Variants in SND1 observed in about 807,000 individuals in gnomAD.
SND1 encodes the protein staphylococcal nuclease domain-containing protein 1.
A neutral mutation model predicts 121.7 loss-of-function variants in SND1; 38 were observed. The observed-to-expected ratio is 0.31, with a 90% confidence interval of 0.24 to 0.41. The LOEUF (loss-of-function observed/expected upper bound fraction) is 0.41. Among genes scored for constraint, SND1 ranks in the 10% least tolerant of loss-of-function variants. SND1 has a pLI of 1.00. For synonymous variants in SND1, 401 were observed against 447.4 expected, an observed-to-expected ratio of 0.90 and a Z score of 1.31; for missense variants, 868 against 1,184.6, an observed-to-expected ratio of 0.73 and a Z score of 3.92.
chr7:128,066,452 G>A (rs904664246), intron 16 of SND1, among the ~76,000 whole-genome samples: 1 of 152,226 alleles, frequency 6.6e-6, no homozygotes, highest in African/African-American at 2.4e-5. Flanking sequence ...GGGGGATTAG[G>A]AGCAGAGGCG....
chr7:127,912,006 A>T (rs942881348), intron 14 of SND1, among the ~76,000 whole-genome samples: 2 of 150,926 alleles, frequency 1.3e-5, no homozygotes, highest in Non-Finnish European at 3.0e-5. Flanking sequence ...TTAAGATGAG[A>T]TCTTACTATG....
At chr7:127,740,423 G>A (rs1267280513) in intron 10 of SND1, among the ~76,000 whole-genome samples, 1 of 152,134 alleles carries the variant, frequency 6.6e-6, no homozygotes, top group Admixed American at 6.5e-5. Context: ...ACTCATCAGT[G>A]TCTCAACTCC....
chr7:127,811,518 G>A (rs532865580), intron 11 of SND1, among the ~76,000 whole-genome samples: 1 of 152,160 alleles, frequency 6.6e-6, no homozygotes, highest in African/African-American at 2.4e-5. Context: ...ACCCACTTCT[G>A]CTGGATATGT....
chr7:127,820,616 T>A (rs1427932417), intron 11 of SND1, among the ~76,000 whole-genome samples: 1 of 152,196 alleles, frequency 6.6e-6, no homozygotes, highest in Non-Finnish European at 1.5e-5. Flanking sequence ...GATAGTCTTT[T>A]TTACGTCACA....
chr7:127,825,336 C>T (rs1412902156), intron 11 of SND1, among the ~76,000 whole-genome samples: 1 of 151,978 alleles, frequency 6.6e-6, no homozygotes, highest in African/African-American at 2.4e-5. Context: ...GTCTCAATCT[C>T]CTGACCACAT....
At chr7:127,688,896 A>G (rs2116312193) in intron 2 of SND1, among the ~76,000 whole-genome samples, 1 of 152,336 alleles carries the variant, frequency 6.6e-6, no homozygotes, top group Admixed American at 6.5e-5. Context: ...ATATTTAAGT[A>G]AAGCATTTAG....
chr7:128,056,713 A>T (rs369307127), intron 16 of SND1, among the ~76,000 whole-genome samples: 1 of 152,218 alleles, frequency 6.6e-6, no homozygotes, highest in Non-Finnish European at 1.5e-5. Context: ...TCCACAGGGA[A>T]TACATTCCAG....
chr7:127,872,696 T>C (rs568340854), intron 12 of SND1, among the ~76,000 whole-genome samples: 1 of 151,770 alleles, frequency 6.6e-6, no homozygotes, highest in Non-Finnish European at 1.5e-5. Flanking sequence ...GAATCTTTTT[T>C]AGAATGTTGG....
intron 12 of SND1, among the ~76,000 whole-genome samples, chr7:127,879,298 A>C (rs1799748046): frequency 6.6e-6 from 1 of 152,134 alleles, no homozygotes; most frequent in South Asian, 2.1e-4. Flanking sequence ...TGGATGTTAG[A>C]CATCTTAGTC....
intron 13 of SND1, 127 bp downstream of exon 13, chr7:127,888,139 C>A: frequency 1.8e-6 from 1 of 571,276 alleles, no homozygotes; most frequent in Non-Finnish European, 3.1e-6. Flanking sequence ...TATTATTATT[C>A]TAGATTTTCC....
At chr7:127,812,803 G>A (rs1032488638) in intron 11 of SND1, among the ~76,000 whole-genome samples, 3 of 152,196 alleles carry the variant, frequency 2.0e-5, no homozygotes, top group African/African-American at 4.8e-5. Context: ...AAAAACACTT[G>A]TGTTCTGTCT....
chr7:127,978,988 C>T (rs1445422906), intron 15 of SND1, among the ~76,000 whole-genome samples: 1 of 152,054 alleles, frequency 6.6e-6, no homozygotes, highest in African/African-American at 2.4e-5. Flanking sequence ...CACCTGGCCG[C>T]CTGTATTTTT....
chr7:127,762,890 A>G (rs1332737931), intron 10 of SND1, among the ~76,000 whole-genome samples: 2 of 152,248 alleles, frequency 1.3e-5, no homozygotes, highest in Admixed American at 6.5e-5. Context: ...GTTTGGGACC[A>G]TGCAGTCAAG....
intron 13 of SND1, among the ~76,000 whole-genome samples, chr7:127,892,161 A>G (rs555034690): frequency 6.6e-6 from 1 of 152,238 alleles, no homozygotes; most frequent in East Asian, 1.9e-4. Context: ...AGGGCAGCCC[A>G]TTAAACTTGT....
At chr7:127,913,603 A>T (rs1174399712) in intron 14 of SND1, among the ~76,000 whole-genome samples, 1 of 152,188 alleles carries the variant, frequency 6.6e-6, no homozygotes, top group African/African-American at 2.4e-5. Flanking sequence ...CATGGGTCAA[A>T]ATAGGTTAAA....
chr7:127,803,128 C>T (rs114182224), intron 10 of SND1, among the ~76,000 whole-genome samples: 2,679 of 152,310 alleles, frequency 0.018, 39 homozygotes, highest in South Asian at 0.047. Context: ...TGCTGCCTCC[C>T]GCTCCTGCAT....
At chr7:127,713,465 T>TA (rs1342102554) in intron 9 of SND1, among the ~76,000 whole-genome samples, 1 of 152,260 alleles carries the variant, frequency 6.6e-6, no homozygotes, top group East Asian at 1.9e-4. Context: ...GACCTTCACA[T>TA]AGTCTGAAAG....
At chr7:128,044,329 G>A (rs1466521130) in intron 16 of SND1, among the ~76,000 whole-genome samples, 1 of 152,164 alleles carries the variant, frequency 6.6e-6, no homozygotes, top group African/African-American at 2.4e-5. Context: ...CATCCACAAA[G>A]GGACAGGCAG....
intron 9 of SND1, among the ~76,000 whole-genome samples, chr7:127,716,289 C>A (rs896586955): frequency 6.6e-6 from 1 of 152,120 alleles, no homozygotes; most frequent in South Asian, 2.1e-4. Context: ...ATCTGTAAAT[C>A]GCTTTTGGGT....
Sources: allele counts gnomAD v4.1 joint callset (sites outside exome capture counted in the v4.1 genomes callset), GRCh38; gene constraint gnomAD v4.1.1; transcripts MANE v1.5; gene names NCBI Gene and HGNC (gene_info 2026-07-23, HGNC 2026-07-21).